The following LDB2 variants were observed in gnomAD, a reference collection of about 807,000 sequenced individuals.
The protein encoded by LDB2 is LIM domain-binding protein 2.
In LDB2, 12 loss-of-function variants were observed where a neutral mutation model predicts 44.3. The ratio of observed to expected loss-of-function variants is 0.27; its 90% confidence interval spans 0.17 to 0.44. The LOEUF is 0.44. LDB2 is among the 20% of genes least tolerant of loss of function. The probability of loss-of-function intolerance (pLI) is 1.00; values close to 1 mark genes in which losing one functional copy is unlikely to be tolerated. For synonymous variants in LDB2, 164 were observed against 174.8 expected, an observed-to-expected ratio of 0.94 and a Z score of 0.49; for missense variants, 344 against 473.5, an observed-to-expected ratio of 0.73 and a Z score of 2.54.
At chr4:16,719,526 C>T (rs936689391) in intron 2 of LDB2, among the ~76,000 whole-genome samples, 1 of 152,170 alleles carries the variant, frequency 6.6e-6, no homozygotes, top group African/African-American at 2.4e-5. Context: ...TCCCATTCAT[C>T]CTTTTGAAGA....
chr4:16,748,872 A>T (rs1448019216), intron 2 of LDB2, among the ~76,000 whole-genome samples: 1 of 152,216 alleles, frequency 6.6e-6, no homozygotes, highest in Non-Finnish European at 1.5e-5. Context: ...GGCAGAGGGT[A>T]TCTACATGAA....
chr4:16,618,507 T>TTGTGTA (rs1727999366), intron 2 of LDB2, among the ~76,000 whole-genome samples: 1 of 152,210 alleles, frequency 6.6e-6, no homozygotes, highest in South Asian at 2.1e-4. Context: ...GCATGTGTGT[T>TTGTGTA]TGTGTATGTG....
intron 2 of LDB2, among the ~76,000 whole-genome samples, chr4:16,613,741 A>G (rs1190028260): frequency 6.6e-6 from 1 of 152,208 alleles, no homozygotes; most frequent in Non-Finnish European, 1.5e-5. Flanking sequence ...AAGGAGAACT[A>G]CAAACCACTG....
chr4:16,815,243 G>A (rs1780691433), intron 1 of LDB2, among the ~76,000 whole-genome samples: 1 of 152,196 alleles, frequency 6.6e-6, no homozygotes, highest in Admixed American at 6.5e-5. Flanking sequence ...ATACTGTGTT[G>A]ATCACAATTT....
At chr4:16,653,034 T>G (rs1738749119) in intron 2 of LDB2, among the ~76,000 whole-genome samples, 1 of 152,202 alleles carries the variant, frequency 6.6e-6, no homozygotes, top group Non-Finnish European at 1.5e-5. Context: ...TCAGAGTGTT[T>G]AGGAACGCTG....
chr4:16,750,398 C>T (rs916833435), intron 2 of LDB2, among the ~76,000 whole-genome samples: 81 of 152,336 alleles, frequency 5.3e-4, no homozygotes, highest in Middle Eastern at 3.4e-3. Context: ...GCACAGTCAA[C>T]GGTAGAAGGC....
chr4:16,766,466 ATATGTGTGTGTGTGTGTGTGTGTGTG>A (rs1769263682), intron 1 of LDB2, among the ~76,000 whole-genome samples: 1 of 61,202 alleles, frequency 1.6e-5, no homozygotes, highest in Non-Finnish European at 3.7e-5. Flanking sequence ...ACACACACAT[ATATGTGTGTGTGTGTGTGTGTGTGTG>A]TGTGTGTGTG....
Position 16,844,248 on chromosome 4 carries a change from C to CAAAAAAAAAAAAA in LDB2, c.132+54093_132+54105dup. ...GGGAGACAGAGACACACCCTGTCTC[C>CAAAAAAAAAAAAA]AAAAAAAAAAAAAAAAAAAAAAAAA... On this transcript the variant is annotated intron_variant, in intron 1 of 7. Transcript: ENST00000304523. 6.7e-5 allele frequency among the ~76,000 whole-genome samples: 2 copies of CAAAAAAAAAAAAA among 30,060 alleles called. 1 individual carries two copies. 19.7% of individuals were successfully genotyped at this position (30,060 alleles called of 152,430 possible). A position where few individuals can be genotyped will look rare whatever the true frequency, so the allele number is the denominator to read the frequency against.
At chr4:16,854,871 TTATTTAAGCTTTGCCCTATTGGTGGAGA>T (rs1243441520) in intron 1 of LDB2, among the ~76,000 whole-genome samples, 1 of 152,072 alleles carries the variant, frequency 6.6e-6, no homozygotes, top group Non-Finnish European at 1.5e-5. Flanking sequence ...ATGCACACGA[TTATTTAAGCTTTGCCCTATTGGTGGAGA>T]TACAGTTGCA....
chr4:16,810,779 G>A, intron 1 of LDB2, among the ~76,000 whole-genome samples: 1 of 151,590 alleles, frequency 6.6e-6, no homozygotes, highest in East Asian at 1.9e-4. Context: ...ACCCCAAACA[G>A]GAATTGAGCT....
At chr4:16,821,177 G>A (rs1400486238) in intron 1 of LDB2, among the ~76,000 whole-genome samples, 4 of 152,006 alleles carry the variant, frequency 2.6e-5, no homozygotes, top group African/African-American at 7.3e-5. Context: ...TCGCTTTCTC[G>A]CTCCGTCATC....
chr4:16,739,587 A>ATAT lies in LDB2; in HGVS notation c.235+19570_235+19571insATA, dbSNP rs747031201. On this transcript the variant is annotated intron_variant, in intron 2 of 7. Coordinates refer to ENST00000304523, the MANE Select transcript of LDB2 (RefSeq NM_001290.5). Reference sequence around the variant, plus strand: ...GGTGACAGAGGGAAAAAAAAAAAAAAAAATATATATATATATATATATGTA... The same window carrying ATAT: ...GGTGACAGAGGGAAAAAAAAAAAAAATATAAATATATATATATATATATATGTA... 3.2e-3 allele frequency among the ~76,000 whole-genome samples: 206 copies of ATAT among 65,322 alleles called. 45 individuals are homozygous for ATAT. The highest frequency in any genetic ancestry group is 7.8e-3 in the Middle Eastern group (1 of 128). 42.9% of individuals were successfully genotyped at this position (65,322 alleles called of 152,430 possible). A position where few individuals can be genotyped will look rare whatever the true frequency, so the allele number is the denominator to read the frequency against.
chr4:16,822,508 GTATTAT>G (rs1222429454), intron 1 of LDB2, among the ~76,000 whole-genome samples: 1 of 151,952 alleles, frequency 6.6e-6, no homozygotes, highest in Admixed American at 6.6e-5. Context: ...ATGTGCTGTT[GTATTAT>G]TATTATTATT....
intron 5 of LDB2, among the ~76,000 whole-genome samples, chr4:16,544,900 G>GGACTC (rs1735153755): frequency 6.6e-6 from 1 of 152,072 alleles, no homozygotes. Flanking sequence ...AAAATGCATA[G>GGACTC]GACTCAATGA....
At chr4:16,752,432 C>A (rs759735561) in intron 2 of LDB2, 1 of 453,162 alleles carries the variant, frequency 2.2e-6, no homozygotes, top group South Asian at 1.6e-5. Context: ...TTCATTTTTT[C>A]CCCAATTGGT....
chr4:16,757,385 T>C (rs1675130141), intron 2 of LDB2, among the ~76,000 whole-genome samples: 1 of 152,168 alleles, frequency 6.6e-6, no homozygotes, highest in Admixed American at 6.5e-5. Context: ...TGGGCAACAA[T>C]GGCTGGTAGT....
At chr4:16,897,946 G>A (rs371164822) in intron 1 of LDB2, among the ~76,000 whole-genome samples, 336 of 27,646 alleles carry the variant, frequency 0.012, 3 homozygotes, top group Non-Finnish European at 0.015. Context: ...ATACACATAT[G>A]TATATATATA....
chr4:16,607,158 A>G (rs941190375), intron 2 of LDB2, among the ~76,000 whole-genome samples: 3 of 152,238 alleles, frequency 2.0e-5, no homozygotes, highest in Non-Finnish European at 4.4e-5. Context: ...GTCAAAAGAA[A>G]GGTTTGTAGA....
At chr4:16,645,659 G>GAATAATA (rs1736597842) in intron 2 of LDB2, among the ~76,000 whole-genome samples, 3 of 152,086 alleles carry the variant, frequency 2.0e-5, no homozygotes, top group Non-Finnish European at 4.4e-5. Context: ...TAAGCAACAG[G>GAATAATA]AGGTAAATTC....
Sources: gnomAD v4.1 joint callset for allele counts (sites outside exome capture counted in the v4.1 genomes callset) on GRCh38, gnomAD v4.1.1 for gene constraint, MANE v1.5 for transcripts, NCBI Gene and HGNC (gene_info 2026-07-23, HGNC 2026-07-21) for gene names.